CHRNB2: variants seen among roughly 807,000 people sequenced by gnomAD.
CHRNB2 encodes cholinergic receptor nicotinic beta 2 subunit, also known as neuronal acetylcholine receptor subunit beta-2.
In CHRNB2, 33 loss-of-function variants were observed where a neutral mutation model predicts 42.7. The ratio of observed to expected loss-of-function variants is 0.77; its 90% confidence interval spans 0.59 to 1.03. The LOEUF is 1.03. Among genes scored for constraint, CHRNB2 ranks in the 50% least tolerant of loss-of-function variants. The probability of loss-of-function intolerance (pLI) is 0.00; values close to 1 mark genes in which losing one functional copy is unlikely to be tolerated. For missense variants in CHRNB2, 603 were observed against 700.9 expected, an observed-to-expected ratio of 0.86 and a Z score of 1.58; for synonymous variants, 325 against 292.9, an observed-to-expected ratio of 1.11 and a Z score of -1.12.
Position 154,571,496 on chromosome 1 carries a change from A to T in CHRNB2, c.673A>T (p.Thr225Ser). The T allele has an allele frequency of 6.2e-7, 1 of 1,613,836 alleles. No homozygotes were observed. Among genetic ancestry groups the T allele is most frequent in the Non-Finnish European group, 8.5e-7 (1 of 1,179,980 alleles). Residue 225 changes from threonine to serine, a missense_variant, in exon 5 of 6, where the codon ACG becomes TCG. By Grantham distance (58) the Thr-to-Ser change is moderately conservative. Transcript: ENST00000368476. This position sits in a 1 kb window ranked among gnomAD's most constrained non-coding sequence, Gnocchi z 6.8. Reference protein sequence around the residue: ...NPDDSTYVDITYDFIIRRKPL... With the variant: ...NPDDSTYVDISYDFIIRRKPL... ...CGACGACTCTACGTACGTGGACATCACGTATGACTTCATCATTCGCCGCAA... is the reference window on the plus strand; with the variant it reads ...CGACGACTCTACGTACGTGGACATCTCGTATGACTTCATCATTCGCCGCAA...
Position 154,576,171 on chromosome 1 carries a change from A to C in CHRNB2, c.*239A>C. 1.7e-6 allele frequency: 1 copy of C among 574,446 alleles called. No homozygotes were observed. Among genetic ancestry groups the C allele is most frequent in the Non-Finnish European group, 3.2e-6 (1 of 316,818 alleles). 35.6% of individuals were successfully genotyped at this position (574,446 alleles called of 1,614,324 possible). A position where few individuals can be genotyped will look rare whatever the true frequency, so the allele number is the denominator to read the frequency against. On this transcript the variant is annotated 3_prime_UTR_variant, in exon 6 of 6. Coordinates refer to ENST00000368476, the MANE Select transcript of CHRNB2 (RefSeq NM_000748.3). ...CTCCATCTCTTGTACCAGCCCAGGC[A>C]ATAGTGTTGAGGAGGGGAGCAAGGC...
chr1:154,575,636 A>G (rs1470260418), intron 5 of CHRNB2, 126 bp from the exon 6 acceptor site: 2 of 1,013,376 alleles, frequency 2.0e-6, no homozygotes, highest in Non-Finnish European at 3.1e-6. Flanking sequence ...ATGCTTTAAC[A>G]AGATCATTCT....
In CHRNB2 at chr1:154,572,023, C is replaced by T. The variant is rs1020120934; in HGVS notation, c.1200C>T (p.Ala400=). 1.3e-6 allele frequency: 2 copies of T among 1,533,388 alleles called. No individual in the cohort carries two copies. Among genetic ancestry groups the T allele is most frequent in the East Asian group, 2.5e-5 (1 of 40,808 alleles). The allele number at this position is 1,533,388 out of a possible 1,614,324, so 95.0% of individuals were successfully genotyped here. The change falls in exon 5 of 6, where the codon GCC becomes GCT. Residue 400 remains alanine, a synonymous_variant. Coordinates refer to ENST00000368476, the MANE Select transcript of CHRNB2 (RefSeq NM_000748.3). ...ACCGCGCGTCGGTGCAGGGGTTGGC[C>T]GGGGCCTTCGGGGCTGAGCCTGCAC... The part of the protein sequence containing the change: ...FVNRASVQGL[A]GAFGAEPAPV...
chr1:154,572,056 G>A lies in CHRNB2; in HGVS notation c.1233G>A (p.Ala411=), dbSNP rs55857552. 5.3e-3 allele frequency: 8,074 copies of A among 1,534,416 alleles called. 21 individuals are homozygous for A. The highest frequency in any genetic ancestry group is 6.4e-3 in the Non-Finnish European group (7,382 of 1,145,568). Residue 411 remains alanine, a synonymous_variant, in exon 5 of 6, where the codon GCG becomes GCA. Coordinates refer to ENST00000368476, the MANE Select transcript of CHRNB2 (RefSeq NM_000748.3). ...GAFGAEPAPV[A]GPGRSGEPCG... ...TCGGGGCTGAGCCTGCACCAGTGGC[G>A]GGCCCCGGGCGCTCAGGGGAGCCGT...
At chr1:154,574,519 C>T (rs1270551333) in intron 5 of CHRNB2, among the ~76,000 whole-genome samples, 3 of 152,174 alleles carry the variant, frequency 2.0e-5, no homozygotes, top group African/African-American at 7.2e-5. Context: ...GAATGTCCCT[C>T]CGTGTGGGTT....
rs1696325291 is a variant in CHRNB2 at position 154,578,449 on chromosome 1, T to C, written c.*2517T>C. 6.8e-6 allele frequency: 1 copy of C among 146,344 alleles called. No individual in the cohort carries two copies. The allele number at this position is 146,344 out of a possible 1,614,324, so 9.1% of individuals were successfully genotyped here. ...TCTTTTAAGACCCGGCTGTGCTGCA[T>C]CTACAAAATGAAGATGACAGAGCTA... is the stretch of plus-strand genomic sequence containing the variant. On this transcript the variant is annotated 3_prime_UTR_variant, in exon 6 of 6. Coordinates refer to ENST00000368476, the MANE Select transcript of CHRNB2 (RefSeq NM_000748.3).
chr1:154,571,603 C>G lies in CHRNB2; in HGVS notation c.780C>G (p.Ser260=). The G allele has an allele frequency of 1.9e-6, 3 of 1,614,218 alleles. No homozygotes were observed. The highest frequency in any genetic ancestry group is 1.1e-5 in the South Asian group (1 of 91,088). The change falls in exon 5 of 6, where the codon TCC becomes TCG. Residue 260 remains serine (S), a synonymous_variant. Coordinates refer to ENST00000368476, the MANE Select transcript of CHRNB2 (RefSeq NM_000748.3). This position sits in a 1 kb window ranked among gnomAD's most constrained non-coding sequence, Gnocchi z 6.8. ...CCATCCTTGTCTTCTACCTGCCATC[C>G]GACTGTGGCGAGAAGATGACGTTGT... ...SLAILVFYLP[S]DCGEKMTLCI...
At position 154,576,994 on chromosome 1, in the gene CHRNB2, T is replaced by C. The variant is rs12130403; in HGVS notation, c.*1062T>C. ...TAGCTTTAAGCCAACCCAGCCTCTTTGTCCACAGCAGAGCTGAGGTGAACA... is the reference window on the plus strand; with the variant it reads ...TAGCTTTAAGCCAACCCAGCCTCTTCGTCCACAGCAGAGCTGAGGTGAACA... On this transcript the variant is annotated 3_prime_UTR_variant, in exon 6 of 6. Transcript: ENST00000368476. 45,322 of 152,102 alleles carry C rather than the reference T, an allele frequency of 0.3. 6,722 individuals carry two copies. Among genetic ancestry groups the C allele is most frequent in the Non-Finnish European group, 0.31 (20,887 of 67,984 alleles). 9.4% of individuals were successfully genotyped at this position (152,102 alleles called of 1,614,324 possible). A position where few individuals can be genotyped will look rare whatever the true frequency, so the allele number is the denominator to read the frequency against.
In CHRNB2 at chr1:154,571,769, G is replaced by T; in HGVS notation, c.946G>T (p.Val316Leu). Residue 316 changes from valine (V) to leucine (L), a missense_variant, in exon 5 of 6, where the codon GTG becomes TTG. Val to Leu is a conservative substitution (Grantham distance 32). Transcript: ENST00000368476. The surrounding 1 kb of genome is among the most constrained non-coding windows in gnomAD (Gnocchi z 6.8). ...TGTCACCTTCTCCATCGTCACCAGCGTGTGCGTGCTCAACGTGCACCACCG... is the reference window on the plus strand; with the variant it reads ...TGTCACCTTCTCCATCGTCACCAGCTTGTGCGTGCTCAACGTGCACCACCG... ...VLVTFSIVTS[V>L]CVLNVHHRSP... The T allele has an allele frequency of 1.2e-6, 2 of 1,614,154 alleles. No individual in the cohort carries two copies. The highest frequency in any genetic ancestry group is 8.5e-7 in the Non-Finnish European group (1 of 1,180,014).
chr1:154,571,246 C>A lies in CHRNB2; in HGVS notation c.423C>A (p.Gly141=). ...FYSNAVVSYD[G]SIFWLPPAIY... ...CCAATGCCGTGGTCTCCTATGATGG[C>A]AGCATCTTCTGGCTGCCGCCTGCCA... The change falls in exon 5 of 6, where the codon GGC becomes GGA. Residue 141 remains glycine, a synonymous_variant. Transcript: ENST00000368476. The surrounding 1 kb of genome is among the most constrained non-coding windows in gnomAD (Gnocchi z 6.8). 1.2e-6 allele frequency: 2 copies of A among 1,614,186 alleles called. No individual in the cohort carries two copies. The highest frequency in any genetic ancestry group is 1.1e-5 in the South Asian group (1 of 91,080).
At position 154,571,904 on chromosome 1, in the gene CHRNB2, C is replaced by A. The variant is rs1378784614; in HGVS notation, c.1081C>A (p.Leu361Met). The change falls in exon 5 of 6, where the codon CTG becomes ATG. Residue 361 changes from leucine to methionine, a missense_variant. Leu to Met is a conservative substitution (Grantham distance 15). Around this residue, in one of 2 missense-constraint regions of CHRNB2, gnomAD observed 270 missense variants for 248.3 expected, o/e 1.09. Transcript: ENST00000368476. The surrounding 1 kb of genome is among the most constrained non-coding windows in gnomAD (Gnocchi z 6.8). Reference sequence around the variant, plus strand: ...ACGCCATCATTGCGCCCGTCAGCGCCTGCGCCTGCGGCGACGCCAGCGTGA... The same window carrying A: ...ACGCCATCATTGCGCCCGTCAGCGCATGCGCCTGCGGCGACGCCAGCGTGA... ...QPRHHCARQR[L>M]RLRRRQRERE... The A allele has an allele frequency of 6.3e-7, 1 of 1,579,254 alleles. No homozygotes were observed. The highest frequency in any genetic ancestry group is 1.3e-5 in the African/African-American group (1 of 74,302).
chr1:154,569,679 G>C lies in CHRNB2; in HGVS notation c.210+72G>C, dbSNP rs185234396. ...CGCCAAAATGTGTTAATGCTTGTGT[G>C]CTTCCTCCCCTGGTGTTTCCAAGGC... On this transcript the variant is annotated intron_variant, in intron 2 of 5. Coordinates refer to ENST00000368476, the MANE Select transcript of CHRNB2 (RefSeq NM_000748.3). 7 of 1,612,906 alleles carry C rather than the reference G, an allele frequency of 4.3e-6. No individual in the cohort carries two copies. In the Admixed American group the frequency reaches 1.0e-4, roughly 23 times the overall value.
Position 154,572,115 on chromosome 1 carries a change from T to G in CHRNB2, c.1292T>G (p.Val431Gly). The G allele has an allele frequency of 6.5e-7, 1 of 1,537,216 alleles. No homozygotes were observed. The highest frequency in any genetic ancestry group is 8.7e-7 in the Non-Finnish European group (1 of 1,146,652). ...GGCCTCCGGGAGGCGGTGGACGGCG[T>G]GCGCTTCATCGCAGACCACATGCGG... ...GCGLREAVDG[V>G]RFIADHMRSE... The change falls in exon 5 of 6, where the codon GTG becomes GGG. Residue 431 changes from valine to glycine, a missense_variant. Around this residue, in one of 2 missense-constraint regions of CHRNB2, gnomAD observed 270 missense variants for 248.3 expected, o/e 1.09. Transcript: ENST00000368476.
At position 154,571,224 on chromosome 1, in the gene CHRNB2, A is replaced by G; in HGVS notation, c.401A>G (p.Asn134Ser). Residue 134 changes from asparagine to serine, a missense_variant, in exon 5 of 6, where the codon AAT (asparagine) becomes AGT (serine). Asn to Ser is a conservative substitution (Grantham distance 46, BLOSUM62 1). This residue lies in a region of CHRNB2 where 333 missense variants were observed against 452.6 expected (regional missense o/e 0.74). Transcript: ENST00000368476. The surrounding 1 kb of genome is among the most constrained non-coding windows in gnomAD (Gnocchi z 6.8). ...ATGTACGAGGTGTCCTTCTATTCCA[A>G]TGCCGTGGTCTCCTATGATGGCAGC... ...DGMYEVSFYS[N>S]AVVSYDGSIF... The G allele has an allele frequency of 1.2e-6, 2 of 1,614,090 alleles. No individual in the cohort carries two copies. The highest frequency in any genetic ancestry group is 1.1e-5 in the South Asian group (1 of 91,080).
At chr1:154,569,441 T>C in intron 1 of CHRNB2, 21 bp from the exon 2 acceptor site, 3 of 1,613,046 alleles carry the variant, frequency 1.9e-6, no homozygotes, top group Non-Finnish European at 2.5e-6. Flanking sequence ...CTTACTTTCG[T>C]CCTGCCTTTC....
Position 154,571,808 on chromosome 1 carries a change from C to A in CHRNB2, c.985C>A (p.His329Asn). ...LNVHHRSPTT[H>N]TMAPWVKVVF... ...CGTGCACCACCGCTCGCCCACCACG[C>A]ACACCATGGCGCCCTGGGTGAAGGT... Residue 329 changes from histidine (H) to asparagine (N), a missense_variant, in exon 5 of 6, where the codon CAC becomes AAC. This residue lies in a region of CHRNB2 where 333 missense variants were observed against 452.6 expected (regional missense o/e 0.74). Coordinates refer to ENST00000368476, the MANE Select transcript of CHRNB2 (RefSeq NM_000748.3). This position sits in a 1 kb window ranked among gnomAD's most constrained non-coding sequence, Gnocchi z 6.8. 6.2e-7 allele frequency: 1 copy of A among 1,613,998 alleles called. No individual in the cohort carries two copies. Among genetic ancestry groups the A allele is most frequent in the Non-Finnish European group, 8.5e-7 (1 of 1,180,036 alleles).
At position 154,575,885 on chromosome 1, in the gene CHRNB2, A is replaced by G; in HGVS notation, c.1462A>G (p.Thr488Ala). Reference protein sequence around the residue: ...FLQPLFQNYTTTTFLHSDHSA... With the variant: ...FLQPLFQNYTATTFLHSDHSA... ...GCAGCCTCTCTTCCAGAACTACACCACCACCACCTTCCTCCACTCAGACCA... is the reference window on the plus strand; with the variant it reads ...GCAGCCTCTCTTCCAGAACTACACCGCCACCACCTTCCTCCACTCAGACCA... Residue 488 changes from threonine to alanine, a missense_variant, in exon 6 of 6, where the codon ACC becomes GCC. Coordinates refer to ENST00000368476, the MANE Select transcript of CHRNB2 (RefSeq NM_000748.3). The G allele has an allele frequency of 6.2e-7, 1 of 1,614,094 alleles. No homozygotes were observed. Among genetic ancestry groups the G allele is most frequent in the Non-Finnish European group, 8.5e-7 (1 of 1,180,016 alleles).
At chr1:154,570,569 C>T (rs899486407) in intron 4 of CHRNB2, among the ~76,000 whole-genome samples, 1 of 152,124 alleles carries the variant, frequency 6.6e-6, no homozygotes, top group African/African-American at 2.4e-5. Flanking sequence ...CCAGCCCACT[C>T]CCAGCCGGTT....
In CHRNB2 at chr1:154,571,152, G is replaced by C. The variant is rs763576683; in HGVS notation, c.366-37G>C. On this transcript the variant is annotated intron_variant, in intron 4 of 5. Coordinates refer to ENST00000368476, the MANE Select transcript of CHRNB2 (RefSeq NM_000748.3). The surrounding 1 kb of genome is among the most constrained non-coding windows in gnomAD (Gnocchi z 6.8). The stretch of plus-strand genomic sequence containing the variant: ...GGTTGATGGGTAAGGAGGAAGGAAC[G>C]CTTAGGCCAGGGCTGACTGTGCCCA... 15 of 1,613,710 alleles carry C rather than the reference G, an allele frequency of 9.3e-6. No individual in the cohort carries two copies. The highest frequency in any genetic ancestry group is 1.7e-5 in the Admixed American group (1 of 60,004).
Sources: allele counts gnomAD v4.1 joint callset (sites outside exome capture counted in the v4.1 genomes callset), GRCh38; gene constraint gnomAD v4.1.1; regional missense constraint gnomAD v4.1.1; non-coding constraint Gnocchi (gnomAD v3.1); transcripts MANE v1.5; gene names NCBI Gene and HGNC (gene_info 2026-07-23, HGNC 2026-07-21).